The following CTNNA3 variants were observed in gnomAD, a reference collection of about 807,000 sequenced individuals.
CTNNA3 encodes catenin alpha-3.
A neutral mutation model predicts 95.7 loss-of-function variants in CTNNA3; 76 were observed. The observed-to-expected ratio is 0.79, with a 90% CI of 0.66 to 0.96. CTNNA3 has a LOEUF of 0.96. CTNNA3 is among the 40% of genes least tolerant of loss of function. CTNNA3 has a pLI of 0.00. For synonymous variants in CTNNA3, 431 were observed against 374.4 expected (o/e 1.15, Z -1.74); for missense variants, 1,191 against 1,089.8 (o/e 1.09, Z -1.31).
At chr10:66,285,519 C>A (rs542794103) in intron 12 of CTNNA3, among the ~76,000 whole-genome samples, 6 of 151,752 alleles carry the variant, frequency 4.0e-5, no homozygotes, top group African/African-American at 1.2e-4. Context: ...CTCTTTCATG[C>A]TTTTCCTCAC....
intron 1 of CTNNA3, among the ~76,000 whole-genome samples, chr10:67,726,289 TTA>T (rs1325006567): frequency 7.1e-5 from 7 of 99,178 alleles, no homozygotes; most frequent in Admixed American, 3.1e-4. Context: ...ATATTACATA[TTA>T]TATATGATAT....
chr10:65,935,237 G>T (rs941062527), intron 17 of CTNNA3, among the ~76,000 whole-genome samples: 8 of 152,098 alleles, frequency 5.3e-5, no homozygotes, highest in African/African-American at 7.2e-5. Context: ...GAAGAATAAA[G>T]AATTTGTTTT....
At chr10:66,390,918 T>C (rs1392354125) in intron 11 of CTNNA3, among the ~76,000 whole-genome samples, 1 of 152,162 alleles carries the variant, frequency 6.6e-6, no homozygotes, top group African/African-American at 2.4e-5. Context: ...TTCTGTCTCT[T>C]CTTTCCAAAG....
intron 17 of CTNNA3, among the ~76,000 whole-genome samples, chr10:65,954,315 A>C (rs1287791308): frequency 1.3e-5 from 2 of 151,946 alleles, no homozygotes; most frequent in Non-Finnish European, 2.9e-5. Context: ...GATTGCAAAA[A>C]TTTTCTCCCA....
intron 7 of CTNNA3, among the ~76,000 whole-genome samples, chr10:66,797,422 A>AC (rs1554853579): frequency 0.027 from 3,945 of 148,832 alleles, 159 homozygotes; most frequent in African/African-American, 0.088. Context: ...AAAAAAAAAA[A>AC]CCCACATTTA....
intron 15 of CTNNA3, among the ~76,000 whole-genome samples, chr10:66,044,536 A>G (rs569779743): frequency 6.6e-6 from 1 of 151,944 alleles, no homozygotes; most frequent in South Asian, 2.1e-4. Context: ...GCTCTCTTCT[A>G]ATATTATCCC....
intron 12 of CTNNA3, among the ~76,000 whole-genome samples, chr10:66,317,639 C>T (rs1473522405): frequency 6.6e-6 from 1 of 151,702 alleles, no homozygotes; most frequent in African/African-American, 2.4e-5. Flanking sequence ...CTCCACTGTA[C>T]TCCAGCCTGG....
At chr10:66,412,181 G>A (rs972561206) in intron 11 of CTNNA3, among the ~76,000 whole-genome samples, 1 of 152,060 alleles carries the variant, frequency 6.6e-6, no homozygotes, top group Non-Finnish European at 1.5e-5. Flanking sequence ...AAGCTAATTT[G>A]GCATGAAGGA....
At chr10:66,080,107 C>G (rs1015436337) in intron 14 of CTNNA3, among the ~76,000 whole-genome samples, 4 of 152,016 alleles carry the variant, frequency 2.6e-5, no homozygotes, top group Non-Finnish European at 5.9e-5. Context: ...ATAAATAAAA[C>G]AGTCATGCTT....
At chr10:66,611,215 T>C (rs1215401453) in intron 10 of CTNNA3, among the ~76,000 whole-genome samples, 3 of 152,066 alleles carry the variant, frequency 2.0e-5, no homozygotes, top group Admixed American at 6.6e-5. Context: ...AGGTATTAGA[T>C]AGTACAGTAG....
At chr10:66,611,331 T>G (rs1844322022) in intron 10 of CTNNA3, among the ~76,000 whole-genome samples, 1 of 152,236 alleles carries the variant, frequency 6.6e-6, no homozygotes, top group South Asian at 2.1e-4. Flanking sequence ...GTGTTGGATA[T>G]TCCAATTACC....
At chr10:67,060,662 T>C (rs1436014498) in intron 7 of CTNNA3, among the ~76,000 whole-genome samples, 2 of 151,744 alleles carry the variant, frequency 1.3e-5, no homozygotes, top group Non-Finnish European at 2.9e-5. Flanking sequence ...TACCATGGGT[T>C]CCTGTCTCTC....
intron 14 of CTNNA3, among the ~76,000 whole-genome samples, chr10:66,087,080 G>A (rs1382680531): frequency 6.6e-6 from 1 of 152,014 alleles, no homozygotes; most frequent in Non-Finnish European, 1.5e-5. Context: ...GTCGCCACAT[G>A]TGCAGGTGTC....
At chr10:67,415,682 T>C (rs985543359) in intron 5 of CTNNA3, among the ~76,000 whole-genome samples, 4 of 152,090 alleles carry the variant, frequency 2.6e-5, no homozygotes, top group South Asian at 2.1e-4. Context: ...AGAGTGTGAA[T>C]AGCCAAAACA....
At chr10:66,003,234 T>C (rs1352351346) in intron 15 of CTNNA3, among the ~76,000 whole-genome samples, 1 of 152,084 alleles carries the variant, frequency 6.6e-6, no homozygotes, top group Non-Finnish European at 1.5e-5. Flanking sequence ...GAAACAAGGA[T>C]AGAGTGTATT....
chr10:65,983,861 A>C (rs1330346087), intron 16 of CTNNA3, among the ~76,000 whole-genome samples: 2 of 151,264 alleles, frequency 1.3e-5, no homozygotes, highest in Admixed American at 1.3e-4. Flanking sequence ...CTCTCAAGGA[A>C]GCAATGAAGG....
intron 13 of CTNNA3, among the ~76,000 whole-genome samples, chr10:66,126,166 C>T (rs913625428): frequency 1.3e-5 from 2 of 152,122 alleles, no homozygotes; most frequent in South Asian, 4.2e-4. Context: ...AGACTGAAGT[C>T]AAAAGGAATT....
At chr10:66,160,197 G>A (rs917514618) in intron 13 of CTNNA3, among the ~76,000 whole-genome samples, 28 of 151,812 alleles carry the variant, frequency 1.8e-4, no homozygotes, top group African/African-American at 6.8e-4. Flanking sequence ...TTGGAACTTC[G>A]TTATTTCCTT....
At chr10:65,978,599 C>A (rs902797952) in intron 16 of CTNNA3, among the ~76,000 whole-genome samples, 14 of 152,056 alleles carry the variant, frequency 9.2e-5, no homozygotes, top group African/African-American at 3.4e-4. Context: ...TGTCATCAGG[C>A]GATCCATGTA....
Sources: gnomAD v4.1 joint callset for allele counts (sites outside exome capture counted in the v4.1 genomes callset) on GRCh38, gnomAD v4.1.1 for gene constraint, MANE v1.5 for transcripts, NCBI Gene and HGNC (gene_info 2026-07-23, HGNC 2026-07-21) for gene names.